The following KLF6 variants were observed in gnomAD, a reference collection of about 807,000 sequenced individuals.
The protein encoded by KLF6 is Krueppel-like factor 6.
For missense variants in KLF6, 233 were observed against 359.8 expected, an observed-to-expected ratio of 0.65 and a Z score of 2.85; for synonymous variants, 152 against 147.9, an observed-to-expected ratio of 1.03 and a Z score of -0.20.
Position 3,779,270 on chromosome 10 carries a change from G to A in KLF6, c.*269C>T, listed in dbSNP as rs1201065329. 2 of 627,304 alleles carry A rather than the reference G, an allele frequency of 3.2e-6. No individual in the cohort carries two copies. Among genetic ancestry groups the A allele is most frequent in the African/African-American group, 1.8e-5 (1 of 56,034 alleles). 38.9% of individuals were successfully genotyped at this position (627,304 alleles called of 1,614,324 possible). A position where few individuals can be genotyped will look rare whatever the true frequency, so the allele number is the denominator to read the frequency against. On this transcript the variant is annotated 3_prime_UTR_variant, in exon 4 of 4. Transcript: ENST00000497571. ...CAACCCAACCATTAGCATTCTCAGT[G>A]TGCATGCTCACGGCAAAGGCTTAGG...
rs756318202 is a variant in KLF6 at position 3,782,073 on chromosome 10, A to G, written c.244T>C (p.Ser82Pro). The change falls in exon 2 of 4, where the codon TCT (serine) becomes CCT (proline). Residue 82 changes from serine (S) to proline (P), a missense_variant. Transcript: ENST00000497571. The surrounding 1 kb of genome is among the most constrained non-coding windows in gnomAD (Gnocchi z 4.3). ...AGAGTGTCCTCTGGAGGACTGGAAG[A>G]TATCTTCAGTTCGGATTCCTCCTTT... Reference protein sequence around the residue: ...EKKEESELKISSSPPEDTLIS... With the variant: ...EKKEESELKIPSSPPEDTLIS... 6 of 1,614,174 alleles carry G rather than the reference A, an allele frequency of 3.7e-6. No homozygotes were observed. Among genetic ancestry groups the G allele is most frequent in the South Asian group, 2.2e-5 (2 of 91,084 alleles).
chr10:3,781,986 C>T lies in KLF6; in HGVS notation c.331G>A (p.Glu111Lys). The T allele has an allele frequency of 6.2e-7, 1 of 1,614,092 alleles. No homozygotes were observed. Reference protein sequence around the residue: ...TNSLNSDVSSESSDSSEELSP... With the variant: ...TNSLNSDVSSKSSDSSEELSP... Reference sequence around the variant, plus strand: ...AGTTCCTCGGAGCTGTCAGAGGATTCGCTGCTGACATCTGAGTTCAGGCTG... The same window carrying T: ...AGTTCCTCGGAGCTGTCAGAGGATTTGCTGCTGACATCTGAGTTCAGGCTG... Residue 111 changes from glutamate to lysine, a missense_variant, in exon 2 of 4, where the codon GAA (glutamate) becomes AAA (lysine). Physicochemically the swap from Glu to Lys is moderately conservative, Grantham distance 56. Coordinates refer to ENST00000497571, the MANE Select transcript of KLF6 (RefSeq NM_001300.6). The surrounding 1 kb of genome is among the most constrained non-coding windows in gnomAD (Gnocchi z 5.8).
At chr10:3,783,019 C>T (rs1364402972) in intron 1 of KLF6, among the ~76,000 whole-genome samples, 1 of 152,222 alleles carries the variant, frequency 6.6e-6, no homozygotes, top group Non-Finnish European at 1.5e-5. Context: ...CACGGCCCTG[C>T]TGGGAGTCCC....
rs1832552249 is a variant in KLF6, at chr10:3,782,479, G to C, written c.103-265C>G. On this transcript the variant is annotated intron_variant, in intron 1 of 3. Transcript: ENST00000497571. The surrounding 1 kb of genome is among the most constrained non-coding windows in gnomAD (Gnocchi z 4.3). ...AATGTTGGGCCAAGGGCCACAATGA[G>C]TGATGATCACTAAGCCGGTTTTTTT... Among the ~76,000 whole-genome samples, 2 of 152,244 alleles carry C rather than the reference G, an allele frequency of 1.3e-5. No individual in the cohort carries two copies. The highest frequency in any genetic ancestry group is 2.1e-4 in the South Asian group (1 of 4,832).
rs531985967 is a variant in KLF6 at position 3,779,214 on chromosome 10, T to G, written c.*325A>C. The G allele has an allele frequency of 3.5e-6, 2 of 566,780 alleles. No individual in the cohort carries two copies. Among genetic ancestry groups the G allele is most frequent in the South Asian group, 3.1e-5 (2 of 65,480 alleles). 35.1% of individuals were successfully genotyped at this position (566,780 alleles called of 1,614,324 possible). ...CAAGGAAAAAAAGTTGGCCTCATCA[T>G]ACGGTCAGTAATAGATCCTCAACAT... On this transcript the variant is annotated 3_prime_UTR_variant, in exon 4 of 4. Transcript: ENST00000497571.
chr10:3,779,718 C>T, intron 3 of KLF6, 128 bp from the exon 4 acceptor site: 2 of 832,836 alleles, frequency 2.4e-6, no homozygotes, highest in Non-Finnish European at 4.1e-6. Flanking sequence ...GATTCTCCTC[C>T]CAAGCCTCAT....
intron 1 of KLF6, among the ~76,000 whole-genome samples, chr10:3,783,856 G>T (rs1159851354): frequency 1.3e-5 from 2 of 152,018 alleles, no homozygotes; most frequent in African/African-American, 2.4e-5. Context: ...AATCCCAAAC[G>T]CCCGAAGGAA....
rs1434388070 is a variant in KLF6, at chr10:3,782,373, CG to C, written c.103-160del. Among the ~76,000 whole-genome samples the C allele has an allele frequency of 6.6e-6, 1 of 152,170 alleles. No individual in the cohort carries two copies. The highest frequency in any genetic ancestry group is 2.4e-5 in the African/African-American group (1 of 41,430). ...TTGTAATTAAGCATCCGTGTCCTTA[CG>C]GAAGTTAGAGGAAATCTGTTTCTAG... On this transcript the variant is annotated intron_variant, in intron 1 of 3. Coordinates refer to ENST00000497571, the MANE Select transcript of KLF6 (RefSeq NM_001300.6). The surrounding 1 kb of genome is among the most constrained non-coding windows in gnomAD (Gnocchi z 4.3).
At position 3,779,001 on chromosome 10, in the gene KLF6, C is replaced by A. The variant is rs750651984; in HGVS notation, c.*538G>T. On this transcript the variant is annotated 3_prime_UTR_variant, in exon 4 of 4. Coordinates refer to ENST00000497571, the MANE Select transcript of KLF6 (RefSeq NM_001300.6). ...CTGGGGTCCTGAGTTCCCACGCCCA[C>A]CCTCCAAGATTTTCCTTCTTTTTTT... 1.9e-5 allele frequency: 10 copies of A among 532,746 alleles called. No homozygotes were observed. Among genetic ancestry groups the A allele is most frequent in the Non-Finnish European group, 3.6e-5 (10 of 275,838 alleles). 33.0% of individuals were successfully genotyped at this position (532,746 alleles called of 1,614,324 possible).
chr10:3,782,197 T>C lies in KLF6; in HGVS notation c.120A>G (p.Glu40=), dbSNP rs1832545029. ...AGCAGGGCTCGCTCTGGAGGTAACG[T>C]TCCAGCTCTAGGCAGGTCTGTGCAA... ...EYWQQTCLEL[E]RYLQSEPCYV... The change falls in exon 2 of 4, where the codon GAA becomes GAG. Residue 40 remains glutamate (E), a synonymous_variant. Coordinates refer to ENST00000497571, the MANE Select transcript of KLF6 (RefSeq NM_001300.6). The surrounding 1 kb of genome is among the most constrained non-coding windows in gnomAD (Gnocchi z 4.3). The C allele has an allele frequency of 1.2e-6, 2 of 1,606,706 alleles. No individual in the cohort carries two copies. Among genetic ancestry groups the C allele is most frequent in the Non-Finnish European group, 1.7e-6 (2 of 1,179,976 alleles).
chr10:3,776,228 C>CAGGT lies in KLF6; in HGVS notation c.*3307_*3310dup, dbSNP rs1486362219. ...GGAAACACTCAAGTTTGTCGTTGTG[C>CAGGT]AGGTGCCTCTGCAATGCATTCCCTG... On this transcript the variant is annotated 3_prime_UTR_variant, in exon 4 of 4. Coordinates refer to ENST00000497571, the MANE Select transcript of KLF6 (RefSeq NM_001300.6). The CAGGT allele has an allele frequency of 3.8e-6, 2 of 532,088 alleles. No individual in the cohort carries two copies. Among genetic ancestry groups the CAGGT allele is most frequent in the Non-Finnish European group, 7.3e-6 (2 of 275,140 alleles). 33.0% of individuals were successfully genotyped at this position (532,088 alleles called of 1,614,324 possible).
intron 1 of KLF6, chr10:3,783,369 T>G (rs901467609): frequency 2.0e-5 from 3 of 152,252 alleles, no homozygotes; most frequent in African/African-American, 7.2e-5. Context: ...CATGTCCATA[T>G]AAGGTTGTCT....
Position 3,777,825 on chromosome 10 carries a change from C to CT in KLF6, c.*1713dup, listed in dbSNP as rs1832427837. 2.1e-6 allele frequency: 1 copy of CT among 479,540 alleles called. No homozygotes were observed. The highest frequency in any genetic ancestry group is 2.0e-5 in the African/African-American group (1 of 50,616). 29.7% of individuals were successfully genotyped at this position (479,540 alleles called of 1,614,324 possible). On this transcript the variant is annotated 3_prime_UTR_variant, in exon 4 of 4. Coordinates refer to ENST00000497571, the MANE Select transcript of KLF6 (RefSeq NM_001300.6). Reference sequence around the variant, plus strand: ...TATACATACACAAGAATTCTGCCCACTTTTTTAAAAAAGTAGTATACTTTC... The same window carrying CT: ...TATACATACACAAGAATTCTGCCCACTTTTTTTAAAAAAGTAGTATACTTTC...
Position 3,778,976 on chromosome 10 carries a change from C to G in KLF6, c.*563G>C. On this transcript the variant is annotated 3_prime_UTR_variant, in exon 4 of 4. Transcript: ENST00000497571. ...CTCCCTCCCCACACCACTCGCCACTCTGGGGTCCTGAGTTCCCACGCCCAC... is the reference window on the plus strand; with the variant it reads ...CTCCCTCCCCACACCACTCGCCACTGTGGGGTCCTGAGTTCCCACGCCCAC... The G allele has an allele frequency of 3.7e-6, 2 of 534,744 alleles. No homozygotes were observed. The highest frequency in any genetic ancestry group is 3.9e-5 in the East Asian group (1 of 25,784). 33.1% of individuals were successfully genotyped at this position (534,744 alleles called of 1,614,324 possible).
chr10:3,782,345 CT>C lies in KLF6; in HGVS notation c.103-132del. 1.3e-6 allele frequency: 1 copy of C among 742,530 alleles called. No individual in the cohort carries two copies. The highest frequency in any genetic ancestry group is 1.7e-5 in the African/African-American group (1 of 57,624). 46.0% of individuals were successfully genotyped at this position (742,530 alleles called of 1,614,324 possible). On this transcript the variant is annotated intron_variant, in intron 1 of 3. Transcript: ENST00000497571. This position sits in a 1 kb window ranked among gnomAD's most constrained non-coding sequence, Gnocchi z 4.3. ...TGCCCGGTCACTACAGGGGCAAAAC[CT>C]TTTGTAATTAAGCATCCGTGTCCTT...
chr10:3,783,541 C>A (rs901755436), intron 1 of KLF6, among the ~76,000 whole-genome samples: 6 of 152,150 alleles, frequency 3.9e-5, no homozygotes, highest in African/African-American at 1.4e-4. Flanking sequence ...CTCCCCCTCC[C>A]CAGGCTCGCA....
Position 3,780,561 on chromosome 10 carries a change from G to A in KLF6, c.677-332C>T. On this transcript the variant is annotated intron_variant, in intron 2 of 3. Transcript: ENST00000497571. The surrounding 1 kb of genome is among the most constrained non-coding windows in gnomAD (Gnocchi z 4.6). Reference sequence around the variant, plus strand: ...CTGCCGGACCCACAGCCCCGGCAAAGGCAGAGCTATTGCTTTCTTCATGGC... The same window carrying A: ...CTGCCGGACCCACAGCCCCGGCAAAAGCAGAGCTATTGCTTTCTTCATGGC... 2 of 411,588 alleles carry A rather than the reference G, an allele frequency of 4.9e-6. No individual in the cohort carries two copies. Among genetic ancestry groups the A allele is most frequent in the South Asian group, 2.1e-5 (1 of 47,890 alleles). 25.5% of individuals were successfully genotyped at this position (411,588 alleles called of 1,614,324 possible). A position where few individuals can be genotyped will look rare whatever the true frequency, so the allele number is the denominator to read the frequency against.
rs748100617 is a variant in KLF6 at position 3,779,379 on chromosome 10, G to T, written c.*160C>A. The T allele has an allele frequency of 2.8e-6, 2 of 711,128 alleles. No individual in the cohort carries two copies. The highest frequency in any genetic ancestry group is 4.0e-5 in the Admixed American group (2 of 49,724). 44.1% of individuals were successfully genotyped at this position (711,128 alleles called of 1,614,324 possible). On this transcript the variant is annotated 3_prime_UTR_variant, in exon 4 of 4. Coordinates refer to ENST00000497571, the MANE Select transcript of KLF6 (RefSeq NM_001300.6). ...CACGGGTGCTATGCCGCTTCTTACA[G>T]GACCTTTTTAGCCCTCAAAAGACCT... is the stretch of plus-strand genomic sequence containing the variant.
At position 3,780,345 on chromosome 10, in the gene KLF6, G is replaced by A. The variant is rs555653729; in HGVS notation, c.677-116C>T. ...CAAGGCCAGGGACCCAGTGGCTTCT[G>A]GCATCGGTAACACACAACAACTGGC... On this transcript the variant is annotated intron_variant, in intron 2 of 3. Transcript: ENST00000497571. This position sits in a 1 kb window ranked among gnomAD's most constrained non-coding sequence, Gnocchi z 4.6. 2.3e-6 allele frequency: 3 copies of A among 1,282,306 alleles called. No homozygotes were observed. The highest frequency in any genetic ancestry group is 1.5e-5 in the African/African-American group (1 of 68,792). 79.4% of individuals were successfully genotyped at this position (1,282,306 alleles called of 1,614,324 possible).
Sources: gnomAD v4.1 joint callset for allele counts (sites outside exome capture counted in the v4.1 genomes callset) on GRCh38, gnomAD v4.1.1 for gene constraint, Gnocchi (gnomAD v3.1) non-coding constraint, MANE v1.5 for transcripts, NCBI Gene and HGNC (gene_info 2026-07-23, HGNC 2026-07-21) for gene names.